AGBL1: variants seen among roughly 807,000 people sequenced by gnomAD.
AGBL1 encodes the protein cytosolic carboxypeptidase 4.
A neutral mutation model predicts 118.9 loss-of-function variants in AGBL1; 130 were observed. The observed-to-expected ratio is 1.09, with a 90% CI of 0.95 to 1.26. AGBL1 has a LOEUF of 1.26. Among genes scored for constraint, AGBL1 ranks in the 50% most tolerant of loss-of-function variants. The pLI, the probability that AGBL1 is intolerant of heterozygous loss-of-function variation, is 0.00. For synonymous variants in AGBL1, 555 were observed against 478.9 expected (o/e 1.16, Z -2.08); for missense variants, 1,584 against 1,298.1 (o/e 1.22, Z -3.38).
rs78440435 is a variant in AGBL1, at chr15:86,245,366, A to G, written c.527-2305A>G. Among the ~76,000 whole-genome samples the G allele has an allele frequency of 5.7e-3, 863 of 152,242 alleles. 8 individuals are homozygous for G. The highest frequency in any genetic ancestry group is 0.02 in the African/African-American group (831 of 41,552). ...CTCAGCCAGAAGCACATACTGTCTC[A>G]TACGCCAGTGTGAATGGTTTCGATG... On this transcript the variant is annotated intron_variant, in intron 6 of 22. Transcript: ENST00000614907.
At chr15:86,744,445 C>T (rs748607341) in intron 22 of AGBL1, among the ~76,000 whole-genome samples, 4 of 152,080 alleles carry the variant, frequency 2.6e-5, no homozygotes, top group Non-Finnish European at 5.9e-5. Flanking sequence ...ATATCTCCCT[C>T]CCAGTGACCT....
chr15:86,563,346 T>A (rs1176927614), intron 21 of AGBL1, among the ~76,000 whole-genome samples: 2 of 152,218 alleles, frequency 1.3e-5, no homozygotes, highest in Admixed American at 6.5e-5. Flanking sequence ...ATGTTGTGTG[T>A]TTGTTCTCAT....
At chr15:86,939,900 C>T (rs1478575328) in intron 23 of AGBL1, 1 of 147,766 alleles carries the variant, frequency 6.8e-6, no homozygotes, top group East Asian at 2.0e-4. Flanking sequence ...TATATATATG[C>T]TTTTTTTTTT....
chr15:86,224,814 G>A (rs1342882031), intron 5 of AGBL1, 100 bp from the exon 6 acceptor site: 2 of 1,091,114 alleles, frequency 1.8e-6, no homozygotes, highest in South Asian at 2.7e-5. Context: ...TTAATCATGG[G>A]TCTGTTATGG....
chr15:86,366,215 A>C (rs192038792), intron 17 of AGBL1, among the ~76,000 whole-genome samples: 1 of 152,308 alleles, frequency 6.6e-6, no homozygotes, highest in African/African-American at 2.4e-5. Context: ...AAATTAAGGA[A>C]GACTTGAGGA....
chr15:86,770,334 A>G (rs575911054), intron 22 of AGBL1, among the ~76,000 whole-genome samples: 12 of 151,964 alleles, frequency 7.9e-5, no homozygotes, highest in Non-Finnish European at 1.5e-5. Flanking sequence ...CGCACAGGAG[A>G]CATTTGGCAA....
chr15:86,322,920 G>A (rs1311791322), intron 17 of AGBL1, among the ~76,000 whole-genome samples: 4 of 152,052 alleles, frequency 2.6e-5, no homozygotes, highest in African/African-American at 9.7e-5. Context: ...TTACGTTTGT[G>A]GCTTTTTTGA....
chr15:86,788,086 G>A (rs2078440396), intron 22 of AGBL1, among the ~76,000 whole-genome samples: 1 of 152,138 alleles, frequency 6.6e-6, no homozygotes, highest in African/African-American at 2.4e-5. Context: ...GGGAGATGCT[G>A]GCCAGTTGCT....
intron 5 of AGBL1, among the ~76,000 whole-genome samples, chr15:86,163,815 G>C (rs1567097226): frequency 6.6e-6 from 1 of 152,240 alleles, no homozygotes; most frequent in South Asian, 2.1e-4. Context: ...ATGTAGTAAT[G>C]AATGAAAGCC....
chr15:86,467,761 G>A (rs575340640), intron 18 of AGBL1, among the ~76,000 whole-genome samples: 31 of 152,248 alleles, frequency 2.0e-4, no homozygotes, highest in Middle Eastern at 3.4e-3. Context: ...TGGGTGAGGC[G>A]ATGCCCCAAC....
Position 87,017,535 on chromosome 15 carries a change from G to A in AGBL1, c.3324-11290G>A, listed in dbSNP as rs533211351. ...GGTCCATAGTGGACCCCTAGAAAATGGCAGCAGTCCTACAGAAGAATAGCT... is the reference window on the plus strand; with the variant it reads ...GGTCCATAGTGGACCCCTAGAAAATAGCAGCAGTCCTACAGAAGAATAGCT... On this transcript the variant is annotated intron_variant, in intron 24 of 24. Coordinates refer to the AGBL1 transcript ENST00000441037. Among the ~76,000 whole-genome samples the A allele has an allele frequency of 5.5e-4, 83 of 152,150 alleles. 2 individuals carry two copies. Among genetic ancestry groups the A allele is most frequent in the African/African-American group, 1.8e-3 (76 of 41,532 alleles).
At chr15:86,220,400 C>G (rs2078262882) in intron 5 of AGBL1, among the ~76,000 whole-genome samples, 1 of 152,184 alleles carries the variant, frequency 6.6e-6, no homozygotes, top group South Asian at 2.1e-4. Context: ...GTATATAGGA[C>G]ATTTAGCTTG....
At chr15:86,400,809 G>A (rs112960416) in intron 18 of AGBL1, among the ~76,000 whole-genome samples, 3,222 of 150,570 alleles carry the variant, frequency 0.021, 44 homozygotes, top group Middle Eastern at 0.069. Flanking sequence ...ATGCCATGCT[G>A]ATATATATAT....
chr15:86,540,158 C>T (rs1403386338), intron 19 of AGBL1, among the ~76,000 whole-genome samples: 2 of 152,088 alleles, frequency 1.3e-5, no homozygotes. Context: ...AGCATGCTAT[C>T]TAGAGTCTTC....
chr15:86,719,900 G>T (rs1215893486), intron 22 of AGBL1, among the ~76,000 whole-genome samples: 2 of 152,120 alleles, frequency 1.3e-5, no homozygotes, highest in African/African-American at 2.4e-5. Context: ...GTGCTCTCTT[G>T]GTTTCTGTGA....
intron 17 of AGBL1, among the ~76,000 whole-genome samples, chr15:86,343,730 C>A (rs912149235): frequency 1.3e-5 from 2 of 152,190 alleles, no homozygotes; most frequent in Non-Finnish European, 2.9e-5. Context: ...TTTGTACCAA[C>A]TTTTCCAGTG....
chr15:86,140,100 C>G lies in AGBL1; in HGVS notation c.52-1904C>G, dbSNP rs148112920. ...TATTCCCCGTGCATGTTGTGGGTGC[C>G]CCTCCCAGAGTCATAGCGCAGTCAG... On this transcript the variant is annotated intron_variant, in intron 1 of 22. Transcript: ENST00000614907. 1.0e-3 allele frequency: 189 copies of G among 183,516 alleles called. 3 individuals are homozygous for G. The East Asian group carries it at 0.017, about 17-fold the overall frequency. 11.4% of individuals were successfully genotyped at this position (183,516 alleles called of 1,614,324 possible). A position where few individuals can be genotyped will look rare whatever the true frequency, so the allele number is the denominator to read the frequency against.
chr15:86,271,790 C>T (rs2079166567), intron 15 of AGBL1, 84 bp downstream of exon 15: 6 of 1,279,144 alleles, frequency 4.7e-6, no homozygotes, highest in Admixed American at 1.7e-5. Context: ...ATCTTATAAA[C>T]ATCAGCAATC....
At chr15:86,496,586 A>AT in intron 18 of AGBL1, among the ~76,000 whole-genome samples, 1 of 151,984 alleles carries the variant, frequency 6.6e-6, no homozygotes, top group Middle Eastern at 3.5e-3. Flanking sequence ...ATTTAACATC[A>AT]TTTTTTAACT....
Sources: allele counts gnomAD v4.1 joint callset (sites outside exome capture counted in the v4.1 genomes callset), GRCh38; gene constraint gnomAD v4.1.1; transcripts MANE v1.5; gene names NCBI Gene and HGNC (gene_info 2026-07-23, HGNC 2026-07-21).